FUT9: variants seen among roughly 807,000 people sequenced by gnomAD.
FUT9 encodes the protein fucosyltransferase 9.
FUT9 carries 15 observed loss-of-function variants against 29.7 expected under a neutral mutation model. The ratio of observed to expected loss-of-function variants is 0.51; its 90% CI spans 0.34 to 0.78. FUT9 has a LOEUF of 0.78. Among genes scored for constraint, FUT9 ranks in the 30% least tolerant of loss-of-function variants. The pLI is 0.01. For synonymous variants in FUT9, 169 were observed against 153.7 expected, an observed-to-expected ratio of 1.10 and a Z score of -0.74; for missense variants, 319 against 425.4, an observed-to-expected ratio of 0.75 and a Z score of 2.20.
Position 96,207,663 on chromosome 6 carries a change from G to C in FUT9, c.*3428G>C, listed in dbSNP as rs186445016. On this transcript the variant is annotated 3_prime_UTR_variant, in exon 3 of 3. Coordinates refer to ENST00000302103, the MANE Select transcript of FUT9 (RefSeq NM_006581.4). ...TATATTGATTCAACAAAATTGGTTT[G>C]CTGTTGATTATACAAACCAATAATT... 443 of 166,972 alleles carry C rather than the reference G, an allele frequency of 2.7e-3. 2 individuals carry two copies. Among genetic ancestry groups the C allele is most frequent in the African/African-American group, 0.01 (429 of 41,500 alleles). 10.3% of individuals were successfully genotyped at this position (166,972 alleles called of 1,614,324 possible). A position where few individuals can be genotyped will look rare whatever the true frequency, so the allele number is the denominator to read the frequency against.
At chr6:96,145,711 G>A (rs1444532645) in intron 2 of FUT9, among the ~76,000 whole-genome samples, 1 of 152,124 alleles carries the variant, frequency 6.6e-6, no homozygotes, top group Non-Finnish European at 1.5e-5. Flanking sequence ...ATGTGCAAAG[G>A]CCTGAGGCAG....
intron 1 of FUT9, among the ~76,000 whole-genome samples, chr6:96,093,955 C>G (rs75968348): frequency 6.6e-6 from 1 of 151,990 alleles, no homozygotes. Context: ...TGGTGCATTG[C>G]GAGCCAAGGA....
At position 96,204,073 on chromosome 6, in the gene FUT9, CA is replaced by C; in HGVS notation, c.923del (p.Asn308ThrfsTer17). Reference sequence around the variant, plus strand: ...TAGCAAAGTATCTGAAGGAAGTCGACAAAAACAATAAGTTATACCTTAGTTA... The same window carrying C: ...TAGCAAAGTATCTGAAGGAAGTCGACAAAACAATAAGTTATACCTTAGTTA... ...ELAKYLKEVD[K>X]NNKLYLSYFN... On this transcript the variant is annotated frameshift_variant, in exon 3 of 3. Coordinates refer to ENST00000302103, the MANE Select transcript of FUT9 (RefSeq NM_006581.4). LOFTEE classifies it high-confidence loss of function. The C allele has an allele frequency of 6.5e-7, 1 of 1,547,730 alleles. No homozygotes were observed. The highest frequency in any genetic ancestry group is 8.7e-7 in the Non-Finnish European group (1 of 1,149,952).
intron 1 of FUT9, among the ~76,000 whole-genome samples, chr6:96,021,659 G>A (rs897884206): frequency 8.6e-5 from 13 of 152,028 alleles, no homozygotes; most frequent in African/African-American, 3.1e-4. Context: ...GCAATTCAGT[G>A]ATAGAAAAGG....
At position 96,094,206 on chromosome 6, in the gene FUT9, A is replaced by G. The variant is rs1771458585; in HGVS notation, c.-97-19833A>G. Among the ~76,000 whole-genome samples the G allele has an allele frequency of 3.3e-5, 5 of 152,272 alleles. No homozygotes were observed. The South Asian group carries it at 8.3e-4, about 25-fold the overall frequency. ...GAAATAAACAACTCACAGGTTTTAA[A>G]TTGTGTGCTGTTCTGAGTAGCATGA... On this transcript the variant is annotated intron_variant, in intron 1 of 2. Coordinates refer to ENST00000302103, the MANE Select transcript of FUT9 (RefSeq NM_006581.4).
intron 1 of FUT9, among the ~76,000 whole-genome samples, chr6:96,103,800 G>C (rs1771630577): frequency 6.6e-6 from 1 of 151,998 alleles, no homozygotes. Flanking sequence ...GATGAAAATT[G>C]TATAAATAAG....
chr6:96,139,462 A>G (rs1256003155), intron 2 of FUT9, among the ~76,000 whole-genome samples: 5 of 152,148 alleles, frequency 3.3e-5, no homozygotes, highest in Non-Finnish European at 5.9e-5. Context: ...TGCAGTCTGG[A>G]GGACGGTGGC....
intron 1 of FUT9, among the ~76,000 whole-genome samples, chr6:96,050,257 C>T (rs1333379136): frequency 1.3e-5 from 2 of 152,082 alleles, no homozygotes; most frequent in African/African-American, 2.4e-5. Flanking sequence ...GGTCACACAC[C>T]CATCAGTCTG....
At chr6:96,165,335 G>A (rs1318865471) in intron 2 of FUT9, among the ~76,000 whole-genome samples, 1 of 151,836 alleles carries the variant, frequency 6.6e-6, no homozygotes, top group Non-Finnish European at 1.5e-5. Flanking sequence ...GGAGGCTGAG[G>A]CAGGGGAATT....
At chr6:96,028,817 T>C (rs906169939) in intron 1 of FUT9, among the ~76,000 whole-genome samples, 21 of 151,610 alleles carry the variant, frequency 1.4e-4, no homozygotes, top group African/African-American at 5.1e-4. Context: ...ATTAGAATCA[T>C]ACTTTCCATG....
intron 1 of FUT9, among the ~76,000 whole-genome samples, chr6:96,103,674 C>CTGTG (rs917518316): frequency 1.3e-5 from 2 of 152,126 alleles, no homozygotes; most frequent in Non-Finnish European, 2.9e-5. Context: ...TTCTGTGAGT[C>CTGTG]TGTGTGTCTC....
At chr6:96,171,765 C>A (rs1357456304) in intron 2 of FUT9, among the ~76,000 whole-genome samples, 1 of 152,144 alleles carries the variant, frequency 6.6e-6, no homozygotes, top group Non-Finnish European at 1.5e-5. Context: ...CAAGACTTTC[C>A]ATCACCTCAT....
rs1009394896 is a variant in FUT9 at position 96,207,416 on chromosome 6, A to T, written c.*3181A>T. The T allele has an allele frequency of 6.0e-6, 1 of 167,078 alleles. No individual in the cohort carries two copies. The highest frequency in any genetic ancestry group is 6.5e-5 in the Admixed American group (1 of 15,284). 10.3% of individuals were successfully genotyped at this position (167,078 alleles called of 1,614,324 possible). On this transcript the variant is annotated 3_prime_UTR_variant, in exon 3 of 3. Coordinates refer to ENST00000302103, the MANE Select transcript of FUT9 (RefSeq NM_006581.4). ...TAGGGCCTATAGAATGGTACACCTC[A>T]TGTAGAAGAACTTCGACTTTTGAAG...
intron 1 of FUT9, among the ~76,000 whole-genome samples, chr6:96,093,922 T>C (rs1054474808): frequency 6.6e-6 from 1 of 152,112 alleles, no homozygotes; most frequent in Admixed American, 6.6e-5. Context: ...AATCCACATC[T>C]GTATGACTAC....
At chr6:96,110,020 T>G (rs970431780) in intron 1 of FUT9, among the ~76,000 whole-genome samples, 6 of 152,134 alleles carry the variant, frequency 3.9e-5, no homozygotes, top group African/African-American at 1.2e-4. Context: ...GTGTCTACTC[T>G]CCTTGTAATG....
intron 2 of FUT9, among the ~76,000 whole-genome samples, chr6:96,173,985 T>C (rs1452794962): frequency 6.6e-6 from 1 of 152,148 alleles, no homozygotes; most frequent in East Asian, 1.9e-4. Context: ...TGTGAAATTT[T>C]ATTATATGAA....
chr6:96,189,283 A>C (rs1773461790), intron 2 of FUT9, among the ~76,000 whole-genome samples: 1 of 152,082 alleles, frequency 6.6e-6, no homozygotes, highest in Non-Finnish European at 1.5e-5. Context: ...GAGGGAATGC[A>C]ACATTGGCAT....
At chr6:96,082,431 C>T (rs372564479) in intron 1 of FUT9, among the ~76,000 whole-genome samples, 1 of 151,604 alleles carries the variant, frequency 6.6e-6, no homozygotes, top group Admixed American at 6.6e-5. Context: ...AGCAGTATAA[C>T]AAATAGAGAG....
intron 2 of FUT9, among the ~76,000 whole-genome samples, chr6:96,156,976 T>G (rs1772797158): frequency 6.6e-6 from 1 of 152,230 alleles, no homozygotes; most frequent in South Asian, 2.1e-4. Flanking sequence ...TGAAATGTTC[T>G]TTTTCCCCTC....
Sources: allele counts gnomAD v4.1 joint callset (sites outside exome capture counted in the v4.1 genomes callset), GRCh38; gene constraint gnomAD v4.1.1; transcripts MANE v1.5; gene names NCBI Gene and HGNC (gene_info 2026-07-23, HGNC 2026-07-21).